PCDHA3: variants seen among roughly 807,000 people sequenced by gnomAD.
PCDHA3 encodes protocadherin alpha-3.
A neutral mutation model predicts 62.2 loss-of-function variants in PCDHA3; 41 were observed. The ratio of observed to expected loss-of-function variants is 0.66; its 90% CI spans 0.51 to 0.86. The LOEUF is 0.86. Ranked by LOEUF, PCDHA3 falls within the 40% of genes least tolerant of loss-of-function variation. The pLI is 0.00. For synonymous variants in PCDHA3, 640 were observed against 555.4 expected (o/e 1.15, Z -2.14); for missense variants, 1,304 against 1,241.2 (o/e 1.05, Z -0.76).
At chr5:140,995,946 C>A (rs2097705145) in intron 3 of PCDHA3, among the ~76,000 whole-genome samples, 1 of 152,192 alleles carries the variant, frequency 6.6e-6, no homozygotes, top group South Asian at 2.1e-4. Flanking sequence ...TGACATAATG[C>A]ACGCAAAATG....
chr5:140,929,024 C>T, intron 1 of PCDHA3: 1 of 1,614,172 alleles, frequency 6.2e-7, no homozygotes, highest in Non-Finnish European at 8.5e-7. Context: ...CACCAGAGCC[C>T]AGGCTGTTGC....
intron 3 of PCDHA3, among the ~76,000 whole-genome samples, chr5:140,994,729 A>G (rs1382639837): frequency 6.6e-6 from 1 of 152,180 alleles, no homozygotes; most frequent in Non-Finnish European, 1.5e-5. Flanking sequence ...AATACTGGGT[A>G]TTGCAGGATG....
intron 1 of PCDHA3, chr5:140,828,129 G>A (rs2150151215): frequency 3.7e-6 from 6 of 1,613,446 alleles, no homozygotes; most frequent in Non-Finnish European, 5.1e-6. Flanking sequence ...GGAAAGCAAT[G>A]TCTGCTCCTC....
At chr5:140,916,009 C>CA (rs541727470) in intron 1 of PCDHA3, among the ~76,000 whole-genome samples, 78 of 152,190 alleles carry the variant, frequency 5.1e-4, no homozygotes, top group Non-Finnish European at 9.6e-4. Flanking sequence ...AACCACAAGA[C>CA]AAAGTCTTTC....
chr5:140,847,536 G>C (rs1162683759), intron 1 of PCDHA3: 1 of 149,444 alleles, frequency 6.7e-6, no homozygotes, highest in Non-Finnish European at 1.5e-5. Context: ...AGAATCTCAA[G>C]CATAGCTTTA....
intron 1 of PCDHA3, among the ~76,000 whole-genome samples, chr5:140,855,428 G>A (rs1039152755): frequency 4.7e-5 from 7 of 149,940 alleles, no homozygotes; most frequent in African/African-American, 1.7e-4. Context: ...AAATTCTAGT[G>A]ATGACTAGAT....
chr5:140,817,499 T>G (rs1278332706), intron 1 of PCDHA3: 1 of 152,358 alleles, frequency 6.6e-6, no homozygotes, highest in African/African-American at 2.4e-5. Context: ...CTATATATGC[T>G]TTTACAAATT....
intron 1 of PCDHA3, chr5:140,929,129 C>A (rs1206531954): frequency 6.2e-7 from 1 of 1,614,052 alleles, no homozygotes; most frequent in East Asian, 2.2e-5. Context: ...GATGTCACTA[C>A]AGTTGAGAGA....
chr5:140,936,780 T>C (rs2091148034), intron 1 of PCDHA3, among the ~76,000 whole-genome samples: 1 of 152,224 alleles, frequency 6.6e-6, no homozygotes, highest in Non-Finnish European at 1.5e-5. Flanking sequence ...TCTCTCACTT[T>C]GTTATTCTGC....
chr5:140,833,593 A>G (rs1772535253), intron 1 of PCDHA3, among the ~76,000 whole-genome samples: 1 of 152,252 alleles, frequency 6.6e-6, no homozygotes, highest in South Asian at 2.1e-4. Context: ...CAGTATATAT[A>G]GATTCTGCTA....
At chr5:140,808,001 G>A (rs1361329408) in intron 1 of PCDHA3, 5 of 1,613,604 alleles carry the variant, frequency 3.1e-6, no homozygotes, top group Non-Finnish European at 3.4e-6. Context: ...TTTAGACGAA[G>A]GATTGAATGG....
At chr5:140,990,780 G>A (rs900658402) in intron 3 of PCDHA3, among the ~76,000 whole-genome samples, 20 of 152,192 alleles carry the variant, frequency 1.3e-4, no homozygotes, top group African/African-American at 4.8e-4. Flanking sequence ...CTCTGTGTTG[G>A]ACGATGAACC....
chr5:140,970,193 G>C (rs1243334467), intron 1 of PCDHA3, among the ~76,000 whole-genome samples: 2 of 152,166 alleles, frequency 1.3e-5, no homozygotes, highest in African/African-American at 4.8e-5. Context: ...ATTGTAAGAG[G>C]ATTTCCCTGA....
intron 3 of PCDHA3, among the ~76,000 whole-genome samples, chr5:140,987,196 AGAGT>A (rs2097234784): frequency 6.6e-6 from 1 of 151,568 alleles, no homozygotes; most frequent in Non-Finnish European, 1.5e-5. Flanking sequence ...CCTGGGTGAC[AGAGT>A]GAGACTCCAT....
chr5:140,904,700 C>A (rs1228017325), intron 1 of PCDHA3, among the ~76,000 whole-genome samples: 1 of 152,028 alleles, frequency 6.6e-6, no homozygotes, highest in Non-Finnish European at 1.5e-5. Flanking sequence ...AAATTGTTCC[C>A]TTTTCACCAC....
chr5:140,928,949 T>C, intron 1 of PCDHA3: 1 of 1,614,066 alleles, frequency 6.2e-7, no homozygotes, highest in Non-Finnish European at 8.5e-7. Flanking sequence ...TATTTAGTAA[T>C]TGCCTTGGCT....
intron 1 of PCDHA3, among the ~76,000 whole-genome samples, chr5:140,817,833 T>G (rs1554127315): frequency 1.3e-5 from 2 of 152,214 alleles, no homozygotes; most frequent in Non-Finnish European, 2.9e-5. Flanking sequence ...ATGTCTTAAT[T>G]TTACTATCAC....
At chr5:140,928,074 C>CT in intron 1 of PCDHA3, 1 of 1,614,216 alleles carries the variant, frequency 6.2e-7, no homozygotes, top group Non-Finnish European at 8.5e-7. Context: ...TTGACAACTA[C>CT]TACAGCCTGC....
intron 1 of PCDHA3, chr5:140,807,254 G>A (rs1367583489): frequency 1.1e-5 from 18 of 1,614,118 alleles, no homozygotes; most frequent in Non-Finnish European, 1.4e-5. Context: ...TCTCCTCGCA[G>A]CCTGGGAGGC....
Sources: gnomAD v4.1 joint callset for allele counts (sites outside exome capture counted in the v4.1 genomes callset) on GRCh38, gnomAD v4.1.1 for gene constraint, MANE v1.5 for transcripts, NCBI Gene and HGNC (gene_info 2026-07-23, HGNC 2026-07-21) for gene names.